The following ARHGEF40 variants were observed in gnomAD, a reference collection of about 807,000 sequenced individuals.
ARHGEF40 encodes Rho guanine nucleotide exchange factor 40, also known as Rho guanine nucleotide exchange factor (GEF) 40.
ARHGEF40 carries 98 observed loss-of-function variants against 165.9 expected under a neutral mutation model. That is an observed-to-expected ratio of 0.59 (90% CI 0.50 to 0.70). The LOEUF (loss-of-function observed/expected upper bound fraction) is 0.70, where lower values mean the gene tolerates loss of function less well. Among genes scored for constraint, ARHGEF40 ranks in the 30% least tolerant of loss-of-function variants. The pLI is 0.00. For missense variants in ARHGEF40, 1,815 were observed against 1,968.0 expected, an observed-to-expected ratio of 0.92 and a Z score of 1.47; for synonymous variants, 792 against 814.3, an observed-to-expected ratio of 0.97 and a Z score of 0.47.
chr14:21,087,461 T>C lies in ARHGEF40; in HGVS notation c.4385T>C (p.Leu1462Pro), dbSNP rs747216492. The change falls in exon 21 of 24, where the codon CTG becomes CCG. Residue 1462 changes from leucine (L) to proline (P), a missense_variant and splice_region_variant. Leu to Pro is a moderately conservative substitution (Grantham distance 98, BLOSUM62 -3). Transcript: ENST00000298694. ...GATCTGGACGTCAAGCAAATTTCCC[T>C]GGGTGAGGCACCTCTCAAGGGGTGG... Reference protein sequence around the residue: ...AWDLDVKQISLAPETLDSSGD... With the variant: ...AWDLDVKQISPAPETLDSSGD... 4 of 1,600,544 alleles carry C rather than the reference T, an allele frequency of 2.5e-6. No individual in the cohort carries two copies. The South Asian group carries it at 3.3e-5, about 13-fold the overall frequency.
In ARHGEF40 at chr14:21,082,470, C is replaced by A; in HGVS notation, c.3478C>A (p.Leu1160Ile). ...THPLRIGACF[L>I]RHGDQFSLYA... Reference sequence around the variant, plus strand: ...CCCCCTACGCATTGGGGCCTGCTTCCTTCGCCACGTGAGTGATCCCCTCAA... The same window carrying A: ...CCCCCTACGCATTGGGGCCTGCTTCATTCGCCACGTGAGTGATCCCCTCAA... Residue 1160 changes from leucine (L) to isoleucine (I), a missense_variant, in exon 15 of 24, where the codon CTT becomes ATT. Physicochemically the swap from Leu to Ile is conservative, Grantham distance 5. Coordinates refer to ENST00000298694, the MANE Select transcript of ARHGEF40 (RefSeq NM_018071.5). The A allele has an allele frequency of 6.3e-7, 1 of 1,584,878 alleles. No homozygotes were observed. Among genetic ancestry groups the A allele is most frequent in the African/African-American group, 1.3e-5 (1 of 74,150 alleles).
rs550965087 is a variant in ARHGEF40, at chr14:21,086,613, A to AT, written c.4139-387dup. 211 of 174,500 alleles carry AT rather than the reference A, an allele frequency of 1.2e-3. 1 individual carries two copies. The highest frequency in any genetic ancestry group is 4.7e-3 in the African/African-American group (197 of 42,350). The allele number at this position is 174,500 out of a possible 1,614,324, so 10.8% of individuals were successfully genotyped here. ...ATACTAATGTCTTCATCTTAGTGTA[A>AT]TAGGGATGATTAGGTAAGGTCAAAT... On this transcript the variant is annotated intron_variant, in intron 19 of 23. Transcript: ENST00000298694.
chr14:21,070,381 G>A lies in ARHGEF40; in HGVS notation c.-16G>A. ...GCCCGCCCGACCAAGCGTCGGACGC[G>A]GCCCGGCGCCGAGCCATGGTGAGTC... On this transcript the variant is annotated 5_prime_UTR_variant, in exon 1 of 24. Transcript: ENST00000298694. The surrounding 1 kb of genome is among the most constrained non-coding windows in gnomAD (Gnocchi z 4.7). 11 of 1,406,804 alleles carry A rather than the reference G, an allele frequency of 7.8e-6. No individual in the cohort carries two copies. Among genetic ancestry groups the A allele is most frequent in the Non-Finnish European group, 1.0e-5 (11 of 1,089,232 alleles). The allele number at this position is 1,406,804 out of a possible 1,614,324, so 87.1% of individuals were successfully genotyped here. A position where few individuals can be genotyped will look rare whatever the true frequency, so the allele number is the denominator to read the frequency against.
At chr14:21,086,685 G>GTT (rs200275005) in intron 19 of ARHGEF40, 125 of 281,124 alleles carry the variant, frequency 4.4e-4, no homozygotes, top group Middle Eastern at 3.7e-3. Context: ...AAATGTGAGG[G>GTT]TTTGTTTTTT....
rs1451109326 is a variant in ARHGEF40, at chr14:21,074,635, G to T, written c.905G>T (p.Gly302Val). The change falls in exon 3 of 24, where the codon GGA (glycine) becomes GTA (valine). Residue 302 changes from glycine to valine, a missense_variant. By Grantham distance (109) the Gly-to-Val change is moderately radical (BLOSUM62 -3). Coordinates refer to ENST00000298694, the MANE Select transcript of ARHGEF40 (RefSeq NM_018071.5). The surrounding 1 kb of genome is among the most constrained non-coding windows in gnomAD (Gnocchi z 4.8). ...QKGLGPRGQDGARPPGEGSST... is the reference protein window; with the variant it reads ...QKGLGPRGQDVARPPGEGSST... ...GGCCTGGGGCCTCGGGGCCAGGATG[G>T]AGCACGCCCACCCGGCGAGGGGAGC... The T allele has an allele frequency of 2.6e-6, 4 of 1,567,454 alleles. No homozygotes were observed. The South Asian group carries it at 4.7e-5, about 18-fold the overall frequency.
In ARHGEF40 at chr14:21,076,877, T is replaced by TAGAG; in HGVS notation, c.2023_2026dup (p.Ile676ArgfsTer25). On this transcript the variant is annotated frameshift_variant, in exon 8 of 24. Transcript: ENST00000298694. LOFTEE classifies it high-confidence loss of function. ...AGGGACCCCTCTCCCAGTCACTGGG[T>TAGAG]AGAGATACACCAGGTAAGCTTCCCC... The TAGAG allele has an allele frequency of 6.2e-7, 1 of 1,612,630 alleles. No individual in the cohort carries two copies. The highest frequency in any genetic ancestry group is 8.5e-7 in the Non-Finnish European group (1 of 1,179,484).
intron 12 of ARHGEF40, 35 bp from the exon 13 acceptor site, chr14:21,080,838 G>A (rs763200550): frequency 3.7e-6 from 6 of 1,608,802 alleles, no homozygotes; most frequent in Non-Finnish European, 5.1e-6. Context: ...ACCTAGGAGT[G>A]AGGACCAGGT....
rs763573443 is a variant in ARHGEF40 at position 21,084,768 on chromosome 14, C to G, written c.3805C>G (p.Gln1269Glu). Residue 1269 changes from glutamine (Q) to glutamate (E), a missense_variant, in exon 18 of 24, where the codon CAG becomes GAG. Coordinates refer to ENST00000298694, the MANE Select transcript of ARHGEF40 (RefSeq NM_018071.5). ...VRGCEIDLKE[Q>E]GQLLHRDPFT... Reference sequence around the variant, plus strand: ...CTTTCTCCAGATAGATCTGAAGGAGCAGGGACAGCTCTTGCATCGAGACCC... The same window carrying G: ...CTTTCTCCAGATAGATCTGAAGGAGGAGGGACAGCTCTTGCATCGAGACCC... 1.2e-6 allele frequency: 2 copies of G among 1,613,590 alleles called. No homozygotes were observed. The highest frequency in any genetic ancestry group is 1.7e-6 in the Non-Finnish European group (2 of 1,179,902).
upstream of ARHGEF40, among the ~76,000 whole-genome samples, chr14:21,068,401 G>A (rs1886403244): frequency 6.6e-6 from 1 of 151,962 alleles, no homozygotes; most frequent in Non-Finnish European, 1.5e-5. Flanking sequence ...CTACCTAAGA[G>A]TAGTGAGCCT....
chr14:21,082,851 T>A lies in ARHGEF40; in HGVS notation c.3507T>A (p.Tyr1169Ter). The change falls in exon 16 of 24, where the codon TAT becomes TAA. Residue 1169 changes from tyrosine (Y) to a stop codon, truncating the protein, a stop_gained. Coordinates refer to ENST00000298694, the MANE Select transcript of ARHGEF40 (RefSeq NM_018071.5). LOFTEE classifies it high-confidence loss of function. ...FLRHGDQFSL[Y>*]AQYVKHRHKL... ...CACAGGGGGACCAGTTCAGCCTTTA[T>A]GCACAGTACGTGAAGCACCGACACA... 1 of 1,614,214 alleles carries A rather than the reference T, an allele frequency of 6.2e-7. No individual in the cohort carries two copies. The highest frequency in any genetic ancestry group is 8.5e-7 in the Non-Finnish European group (1 of 1,180,034).
intron 20 of ARHGEF40, 70 bp from the exon 21 acceptor site, chr14:21,087,250 G>C (rs1362743191): frequency 1.3e-6 from 2 of 1,584,158 alleles, no homozygotes; most frequent in African/African-American, 2.7e-5. Context: ...GTGAGACTGA[G>C]GGTCATTCCA....
chr14:21,070,864 C>G lies in ARHGEF40; in HGVS notation c.3+465C>G, dbSNP rs529956571. On this transcript the variant is annotated intron_variant, in intron 1 of 23. Coordinates refer to ENST00000298694, the MANE Select transcript of ARHGEF40 (RefSeq NM_018071.5). This position sits in a 1 kb window ranked among gnomAD's most constrained non-coding sequence, Gnocchi z 4.7. ...CACCATTTTCCATCCCTGTCCCCAA[C>G]CCGGTGAGGCAGGCCCACCCATCCG... The G allele has an allele frequency of 1.4e-5, 22 of 1,535,646 alleles. No homozygotes were observed. In the Admixed American group the frequency reaches 2.2e-4, roughly 15 times the overall value.
intron 15 of ARHGEF40, 56 bp from the exon 16 acceptor site, chr14:21,082,775 A>T (rs1888025642): frequency 2.0e-6 from 3 of 1,536,998 alleles, no homozygotes. Context: ...GGGAAGAGAG[A>T]GGCTTGTCTG....
chr14:21,070,991 G>A lies in ARHGEF40; in HGVS notation c.3+592G>A, dbSNP rs1385853201. On this transcript the variant is annotated intron_variant, in intron 1 of 23. Transcript: ENST00000298694. The surrounding 1 kb of genome is among the most constrained non-coding windows in gnomAD (Gnocchi z 4.7). ...AAAGAGCTGCCTCAGGATAGTTGGG[G>A]GTGCTTGGGGGGGAGCTCACAGTAC... The A allele has an allele frequency of 3.4e-6, 3 of 872,962 alleles. No individual in the cohort carries two copies. The highest frequency in any genetic ancestry group is 2.4e-4 in the Middle Eastern group (1 of 4,208). The allele number at this position is 872,962 out of a possible 1,614,324, so 54.1% of individuals were successfully genotyped here.
rs1887591754 is a variant in ARHGEF40, at chr14:21,078,282, G to A, written c.2130+10G>A. Reference sequence around the variant, plus strand: ...AGAGCCAGAGGAAGAGGTATGAAATGAGATGGGACAGTGGGGGGATGGGAT... The same window carrying A: ...AGAGCCAGAGGAAGAGGTATGAAATAAGATGGGACAGTGGGGGGATGGGAT... On this transcript the variant is annotated intron_variant, in intron 9 of 23. Transcript: ENST00000298694. 6.2e-6 allele frequency: 10 copies of A among 1,613,250 alleles called. No homozygotes were observed. The East Asian group carries it at 2.2e-4, about 36-fold the overall frequency.
Position 21,090,232 on chromosome 14 carries a change from G to A in ARHGEF40, c.*1224G>A, listed in dbSNP as rs758918351. On this transcript the variant is annotated 3_prime_UTR_variant, in exon 24 of 24. Coordinates refer to ENST00000298694, the MANE Select transcript of ARHGEF40 (RefSeq NM_018071.5). This position sits in a 1 kb window ranked among gnomAD's most constrained non-coding sequence, Gnocchi z 4.4. ...CCCTTGTACAAAAATAAACTCTCACGCCTATGGACCAGCAAAGACTGGCAG... is the reference window on the plus strand; with the variant it reads ...CCCTTGTACAAAAATAAACTCTCACACCTATGGACCAGCAAAGACTGGCAG... 7 of 629,262 alleles carry A rather than the reference G, an allele frequency of 1.1e-5. No homozygotes were observed. The highest frequency in any genetic ancestry group is 7.6e-5 in the South Asian group (5 of 66,128). The allele number at this position is 629,262 out of a possible 1,614,324, so 39.0% of individuals were successfully genotyped here.
intron 11 of ARHGEF40, among the ~76,000 whole-genome samples, chr14:21,079,372 CCACA>C (rs145360711): frequency 1.3e-5 from 2 of 152,102 alleles, no homozygotes; most frequent in African/African-American, 4.8e-5. Flanking sequence ...AGTTATACTG[CCACA>C]CACACACCCT....
rs373398882 is a variant in ARHGEF40 at position 21,087,390 on chromosome 14, G to A, written c.4314G>A (p.Ser1438=). The part of the protein sequence containing the change: ...EHAGPSLPGL[S]PGACSLPARV... ...CCGGCCCCTCCCTTCCCGGCCTTTCGCCGGGAGCCTGCTCCCTGCCTGCCC... is the reference window on the plus strand; with the variant it reads ...CCGGCCCCTCCCTTCCCGGCCTTTCACCGGGAGCCTGCTCCCTGCCTGCCC... The change falls in exon 21 of 24, where the codon TCG becomes TCA. Residue 1438 remains serine (S), a synonymous_variant. Coordinates refer to ENST00000298694, the MANE Select transcript of ARHGEF40 (RefSeq NM_018071.5). 66 of 1,603,292 alleles carry A rather than the reference G, an allele frequency of 4.1e-5. No individual in the cohort carries two copies. Among genetic ancestry groups the A allele is most frequent in the African/African-American group, 1.2e-4 (9 of 75,036 alleles).
chr14:21,065,461 T>G (rs924591384), upstream of ARHGEF40, among the ~76,000 whole-genome samples: 8 of 152,188 alleles, frequency 5.3e-5, no homozygotes, highest in South Asian at 2.1e-4. Context: ...AGTGACAAAA[T>G]AGACAAGGTC....
Sources: allele counts gnomAD v4.1 joint callset (sites outside exome capture counted in the v4.1 genomes callset), GRCh38; gene constraint gnomAD v4.1.1; non-coding constraint Gnocchi (gnomAD v3.1); transcripts MANE v1.5; gene names NCBI Gene and HGNC (gene_info 2026-07-23, HGNC 2026-07-21).